KCND2: variants seen among roughly 807,000 people sequenced by gnomAD.
The protein encoded by KCND2 is potassium voltage-gated channel subfamily D member 2.
Under a neutral mutation model 54.4 loss-of-function variants are expected in KCND2, and 16 were observed. That is an observed-to-expected ratio of 0.29 (90% CI 0.20 to 0.45). The LOEUF (loss-of-function observed/expected upper bound fraction) is 0.45. Ranked by LOEUF, KCND2 falls within the 20% of genes least tolerant of loss-of-function variation. The pLI, the probability that KCND2 is intolerant of heterozygous loss-of-function variation, is 1.00. For missense variants in KCND2, 486 were observed against 824.2 expected, an observed-to-expected ratio of 0.59 and a Z score of 5.02; for synonymous variants, 317 against 310.7, an observed-to-expected ratio of 1.02 and a Z score of -0.21.
At chr7:120,677,530 G>GAT (rs1371673549) in intron 1 of KCND2, among the ~76,000 whole-genome samples, 7 of 130,234 alleles carry the variant, frequency 5.4e-5, no homozygotes, top group Non-Finnish European at 7.8e-5. Context: ...TATATATATA[G>GAT]ATATAGATAT....
At chr7:120,349,074 C>T (rs1358234009) in intron 1 of KCND2, among the ~76,000 whole-genome samples, 1 of 152,116 alleles carries the variant, frequency 6.6e-6, no homozygotes, top group Non-Finnish European at 1.5e-5. Context: ...AATACCATTA[C>T]ACTCCATTAA....
rs879221987 is a variant in KCND2, at chr7:120,274,525, G to A, written c.-108G>A. The A allele has an allele frequency of 6.3e-6, 8 of 1,277,430 alleles. No homozygotes were observed. The South Asian group carries it at 9.6e-5, about 15-fold the overall frequency. 79.1% of individuals were successfully genotyped at this position (1,277,430 alleles called of 1,614,324 possible). On this transcript the variant is annotated 5_prime_UTR_variant, in exon 1 of 6. Transcript: ENST00000331113. Reference sequence around the variant, plus strand: ...AATAAGAGTTACACCTCTGGACCACGTTTCTCACTAGTACTTTGCTTGACT... The same window carrying A: ...AATAAGAGTTACACCTCTGGACCACATTTCTCACTAGTACTTTGCTTGACT...
intron 1 of KCND2, among the ~76,000 whole-genome samples, chr7:120,544,520 T>G (rs948142304): frequency 6.6e-6 from 1 of 151,950 alleles, no homozygotes; most frequent in Non-Finnish European, 1.5e-5. Flanking sequence ...TAATAATCAC[T>G]ATGCAATCAC....
At chr7:120,723,398 A>G (rs1792692929) in intron 1 of KCND2, among the ~76,000 whole-genome samples, 1 of 152,228 alleles carries the variant, frequency 6.6e-6, no homozygotes. Flanking sequence ...AGTGCTCACT[A>G]TCTAAGATTA....
chr7:120,455,681 CA>C (rs1369300542), intron 1 of KCND2, among the ~76,000 whole-genome samples: 12 of 152,018 alleles, frequency 7.9e-5, no homozygotes, highest in Non-Finnish European at 1.8e-4. Context: ...ATGTTTTTTG[CA>C]GCAACATGGA....
At chr7:120,577,555 C>T (rs934719867) in intron 1 of KCND2, among the ~76,000 whole-genome samples, 2 of 148,792 alleles carry the variant, frequency 1.3e-5, no homozygotes, top group African/African-American at 2.6e-5. Context: ...CAACAACAAC[C>T]GCAAACAAAC....
intron 1 of KCND2, among the ~76,000 whole-genome samples, chr7:120,554,703 T>C (rs1425074995): frequency 1.3e-5 from 2 of 152,164 alleles, no homozygotes; most frequent in African/African-American, 2.4e-5. Flanking sequence ...CCACCGCGCC[T>C]GGCCGAGAAT....
chr7:120,451,571 C>T lies in KCND2; in HGVS notation c.1115+175824C>T, dbSNP rs1034998136. 2.0e-5 allele frequency among the ~76,000 whole-genome samples: 3 copies of T among 152,302 alleles called. No individual in the cohort carries two copies. The East Asian group carries it at 5.8e-4, about 29-fold the overall frequency. Reference sequence around the variant, plus strand: ...CAAACACCTTCAAGCTATAGGTTGACAAACTCTGATTCCTAAGTAATGACT... The same window carrying T: ...CAAACACCTTCAAGCTATAGGTTGATAAACTCTGATTCCTAAGTAATGACT... On this transcript the variant is annotated intron_variant, in intron 1 of 5. Coordinates refer to ENST00000331113, the MANE Select transcript of KCND2 (RefSeq NM_012281.3).
intron 1 of KCND2, among the ~76,000 whole-genome samples, chr7:120,397,989 GTGTGTGTATATATATATATATATATA>G (rs1563033059): frequency 9.9e-5 from 4 of 40,364 alleles, no homozygotes; most frequent in South Asian, 2.0e-3. Flanking sequence ...GTGTGTGTGT[GTGTGTGTATATATATATATATATATA>G]TATATATATA....
intron 1 of KCND2, among the ~76,000 whole-genome samples, chr7:120,670,258 A>G (rs1791975705): frequency 6.6e-6 from 1 of 152,148 alleles, no homozygotes; most frequent in African/African-American, 2.4e-5. Context: ...TTTCAGGATC[A>G]TATAGAATTT....
chr7:120,485,837 A>G (rs1802685424), intron 1 of KCND2, among the ~76,000 whole-genome samples: 1 of 152,172 alleles, frequency 6.6e-6, no homozygotes, highest in African/African-American at 2.4e-5. Context: ...AGTAAGCTAC[A>G]TGAGAGAAGG....
chr7:120,600,388 C>T (rs1473280768), intron 1 of KCND2, among the ~76,000 whole-genome samples: 2 of 151,864 alleles, frequency 1.3e-5, no homozygotes, highest in African/African-American at 4.8e-5. Flanking sequence ...AACACAGTGC[C>T]ATCAACTCTT....
At chr7:120,712,552 C>T (rs528027745) in intron 1 of KCND2, among the ~76,000 whole-genome samples, 5 of 151,728 alleles carry the variant, frequency 3.3e-5, no homozygotes, top group African/African-American at 7.3e-5. Context: ...TGATCCACTG[C>T]GCCTGGCCTG....
intron 1 of KCND2, among the ~76,000 whole-genome samples, chr7:120,516,414 G>A (rs1048484245): frequency 6.6e-6 from 1 of 152,038 alleles, no homozygotes; most frequent in Admixed American, 6.6e-5. Flanking sequence ...TTGAAAGATT[G>A]TTGTTTCTTA....
intron 1 of KCND2, among the ~76,000 whole-genome samples, chr7:120,411,894 A>G (rs1277179524): frequency 6.6e-6 from 1 of 151,936 alleles, no homozygotes; most frequent in African/African-American, 2.4e-5. Context: ...GTTTACCTAG[A>G]TAGGACTTTT....
At chr7:120,595,368 T>C (rs543160786) in intron 1 of KCND2, among the ~76,000 whole-genome samples, 1 of 150,372 alleles carries the variant, frequency 6.7e-6, no homozygotes, top group Non-Finnish European at 1.5e-5. Flanking sequence ...TGAGAATCAC[T>C]TGAACCCAGG....
At chr7:120,289,088 A>G (rs965305494) in intron 1 of KCND2, among the ~76,000 whole-genome samples, 1 of 150,914 alleles carries the variant, frequency 6.6e-6, no homozygotes, top group African/African-American at 2.4e-5. Context: ...AGAGAGAGAG[A>G]GAGAGACTAG....
intron 1 of KCND2, among the ~76,000 whole-genome samples, chr7:120,474,406 C>T (rs573264696): frequency 2.2e-4 from 33 of 152,114 alleles, no homozygotes; most frequent in African/African-American, 1.2e-4. Context: ...GGTGCGATCT[C>T]GGCTCACTAC....
At chr7:120,297,013 G>C (rs1407482010) in intron 1 of KCND2, among the ~76,000 whole-genome samples, 1 of 151,864 alleles carries the variant, frequency 6.6e-6, no homozygotes, top group Non-Finnish European at 1.5e-5. Flanking sequence ...CTTTAAATCT[G>C]TTTTTATTTT....
Sources: gnomAD v4.1 joint callset for allele counts (sites outside exome capture counted in the v4.1 genomes callset) on GRCh38, gnomAD v4.1.1 for gene constraint, MANE v1.5 for transcripts, NCBI Gene and HGNC (gene_info 2026-07-23, HGNC 2026-07-21) for gene names.